The following LRRC4C variants were observed in gnomAD, a reference collection of about 807,000 sequenced individuals.
LRRC4C encodes the protein leucine rich repeat containing 4C, also known as leucine-rich repeat-containing protein 4C.
Under a neutral mutation model 33.6 loss-of-function variants are expected in LRRC4C, and 5 were observed. That is an observed-to-expected ratio of 0.15 (90% CI 0.08 to 0.31). LRRC4C has a LOEUF of 0.31. Ranked by LOEUF, LRRC4C falls within the 10% of genes least tolerant of loss-of-function variation. LRRC4C has a pLI of 1.00. For missense variants in LRRC4C, 560 were observed against 796.7 expected (o/e 0.70, Z 3.58); for synonymous variants, 329 against 302.0 (o/e 1.09, Z -0.93).
intron 1 of LRRC4C, among the ~76,000 whole-genome samples, chr11:41,123,266 T>TG (rs1157909286): frequency 0.1 from 4,780 of 45,776 alleles, 224 homozygotes; most frequent in South Asian, 0.17. Flanking sequence ...GTTTTGTTTT[T>TG]TTTTTTTTTT....
chr11:40,887,804 A>G (rs1216878983), intron 2 of LRRC4C, among the ~76,000 whole-genome samples: 2 of 151,990 alleles, frequency 1.3e-5, no homozygotes, highest in Non-Finnish European at 2.9e-5. Flanking sequence ...AATATTAATG[A>G]TGTTGTAAAT....
intron 1 of LRRC4C, among the ~76,000 whole-genome samples, chr11:41,193,321 T>C (rs1946042869): frequency 6.6e-6 from 1 of 152,130 alleles, no homozygotes; most frequent in African/African-American, 2.4e-5. Context: ...AAAAACCATC[T>C]GATTCAGTCT....
At chr11:40,212,876 A>G (rs1364243089) in intron 5 of LRRC4C, among the ~76,000 whole-genome samples, 1 of 152,196 alleles carries the variant, frequency 6.6e-6, no homozygotes, top group African/African-American at 2.4e-5. Context: ...GGGAAGCAGC[A>G]GTAACTTGGG....
At chr11:41,035,957 C>A (rs1286303394) in intron 1 of LRRC4C, among the ~76,000 whole-genome samples, 1 of 151,700 alleles carries the variant, frequency 6.6e-6, no homozygotes, top group Admixed American at 6.6e-5. Flanking sequence ...ATATTAGAGC[C>A]CATTAGAGGA....
At chr11:41,015,763 T>A (rs17506055) in intron 1 of LRRC4C, among the ~76,000 whole-genome samples, 19,413 of 152,176 alleles carry the variant, frequency 0.13, 1,351 homozygotes, top group Non-Finnish European at 0.16. Flanking sequence ...CTTGCAATTT[T>A]AAAACCAGTA....
intron 3 of LRRC4C, among the ~76,000 whole-genome samples, chr11:40,596,114 A>G (rs1376642548): frequency 1.3e-5 from 2 of 152,158 alleles, no homozygotes; most frequent in Non-Finnish European, 2.9e-5. Context: ...AGAATTACAG[A>G]TGAAAAACAA....
chr11:41,302,972 GC>G (rs1950326938), intron 1 of LRRC4C, among the ~76,000 whole-genome samples: 1 of 152,064 alleles, frequency 6.6e-6, no homozygotes, highest in Admixed American at 6.5e-5. Context: ...GGAGCCTGAG[GC>G]AAAAGCAAAA....
At chr11:40,999,270 T>C (rs1854195515) in intron 1 of LRRC4C, among the ~76,000 whole-genome samples, 1 of 151,648 alleles carries the variant, frequency 6.6e-6, no homozygotes, top group African/African-American at 2.4e-5. Flanking sequence ...AGCCCCCACC[T>C]CTGTAGAGAT....
intron 3 of LRRC4C, among the ~76,000 whole-genome samples, chr11:40,523,333 G>T (rs1436800431): frequency 1.3e-5 from 2 of 151,534 alleles, no homozygotes; most frequent in African/African-American, 2.4e-5. Context: ...TATTTTCTTT[G>T]CATAAATGTC....
intron 1 of LRRC4C, among the ~76,000 whole-genome samples, chr11:41,152,857 A>C (rs931525848): frequency 6.6e-6 from 1 of 152,146 alleles, no homozygotes; most frequent in Non-Finnish European, 1.5e-5. Flanking sequence ...TTCTGGGGAA[A>C]TGGGAAATTC....
At chr11:40,389,489 A>G (rs1244334385) in intron 3 of LRRC4C, among the ~76,000 whole-genome samples, 1 of 152,038 alleles carries the variant, frequency 6.6e-6, no homozygotes, top group Non-Finnish European at 1.5e-5. Flanking sequence ...AATAATCAAA[A>G]AACCATTATT....
At chr11:40,336,203 G>C (rs538791129) in intron 3 of LRRC4C, among the ~76,000 whole-genome samples, 1 of 152,264 alleles carries the variant, frequency 6.6e-6, no homozygotes, top group African/African-American at 2.4e-5. Flanking sequence ...AACACAGGCA[G>C]CTATTCGCTG....
intron 3 of LRRC4C, among the ~76,000 whole-genome samples, chr11:40,551,829 A>T (rs1957137838): frequency 6.6e-6 from 1 of 152,172 alleles, no homozygotes; most frequent in Admixed American, 6.5e-5. Context: ...CATATGTGTC[A>T]GCTTAGTTAG....
chr11:40,730,885 C>T (rs1204406548), intron 2 of LRRC4C, among the ~76,000 whole-genome samples: 1 of 152,152 alleles, frequency 6.6e-6, no homozygotes, highest in East Asian at 1.9e-4. Flanking sequence ...ATCTGCGTCC[C>T]TGCCAAATCT....
intron 1 of LRRC4C, among the ~76,000 whole-genome samples, chr11:41,121,348 C>A (rs1035027341): frequency 6.6e-6 from 1 of 152,078 alleles, no homozygotes; most frequent in Admixed American, 6.6e-5. Flanking sequence ...TTGGGGTAGG[C>A]TTGATAAGCA....
intron 1 of LRRC4C, among the ~76,000 whole-genome samples, chr11:41,242,223 T>G (rs1948280066): frequency 6.6e-6 from 1 of 152,176 alleles, no homozygotes; most frequent in Admixed American, 6.5e-5. Flanking sequence ...TTGTTTTGTA[T>G]AGCCAAACCT....
chr11:40,515,502 C>A (rs1530171), intron 3 of LRRC4C, among the ~76,000 whole-genome samples: 85,773 of 151,748 alleles, frequency 0.57, 24,611 homozygotes, highest in East Asian at 0.81. Context: ...TAATATTAAC[C>A]TACTCATGAT....
chr11:40,125,199 G>A (rs933342618), intron 6 of LRRC4C, among the ~76,000 whole-genome samples: 10 of 152,196 alleles, frequency 6.6e-5, no homozygotes, highest in Middle Eastern at 6.8e-3. Context: ...TCAGCTGAGG[G>A]ATTTCAGGAA....
chr11:40,991,289 A>G (rs1853543876), intron 1 of LRRC4C, among the ~76,000 whole-genome samples: 1 of 152,020 alleles, frequency 6.6e-6, no homozygotes. Flanking sequence ...AAATTTGTCA[A>G]CATTTAAACC....
Sources: allele counts gnomAD v4.1 joint callset (sites outside exome capture counted in the v4.1 genomes callset), GRCh38; gene constraint gnomAD v4.1.1; transcripts MANE v1.5; gene names NCBI Gene and HGNC (gene_info 2026-07-23, HGNC 2026-07-21).